The following WWC1 variants were observed in gnomAD, a reference collection of about 807,000 sequenced individuals.
WWC1 encodes WW and C2 domain containing 1.
Under a neutral mutation model 138.4 loss-of-function variants are expected in WWC1, and 55 were observed. The observed-to-expected ratio is 0.40, with a 90% CI of 0.32 to 0.50. WWC1 has a LOEUF of 0.50. WWC1 is among the 20% of genes least tolerant of loss of function. The probability of loss-of-function intolerance (pLI) is 0.72; values close to 1 mark genes in which losing one functional copy is unlikely to be tolerated. For missense variants in WWC1, 1,226 were observed against 1,420.4 expected (o/e 0.86, Z 2.20); for synonymous variants, 524 against 564.9 (o/e 0.93, Z 1.03).
chr5:168,339,800 T>G (rs995235713), intron 1 of WWC1, among the ~76,000 whole-genome samples: 2 of 131,912 alleles, frequency 1.5e-5, no homozygotes, highest in African/African-American at 3.1e-5. Context: ...GTACCATTCT[T>G]TTTGTTTTTC....
At chr5:168,413,018 T>C (rs1000173240) in intron 8 of WWC1, among the ~76,000 whole-genome samples, 4 of 152,200 alleles carry the variant, frequency 2.6e-5, no homozygotes, top group African/African-American at 9.6e-5. Flanking sequence ...GGTATGTTTT[T>C]CTACATGGAA....
At chr5:168,468,087 A>C in intron 22 of WWC1, 123 bp downstream of exon 22, 1 of 1,480,394 alleles carries the variant, frequency 6.8e-7, no homozygotes, top group Non-Finnish European at 9.1e-7. Context: ...CCTGTAACAG[A>C]TGTTCATCCT....
intron 1 of WWC1, among the ~76,000 whole-genome samples, chr5:168,345,016 G>GGAAA (rs1774353532): frequency 1.3e-5 from 2 of 152,152 alleles, no homozygotes; most frequent in Admixed American, 6.5e-5. Context: ...TTCCCACCAG[G>GGAAA]CTCATAAGGA....
chr5:168,308,628 T>C (rs1242228961), intron 1 of WWC1, among the ~76,000 whole-genome samples: 1 of 152,130 alleles, frequency 6.6e-6, no homozygotes, highest in African/African-American at 2.4e-5. Flanking sequence ...AAATGCAGGT[T>C]CCAAGGCCCT....
At chr5:168,297,827 A>T (rs535726997) in intron 1 of WWC1, among the ~76,000 whole-genome samples, 2 of 152,186 alleles carry the variant, frequency 1.3e-5, no homozygotes, top group South Asian at 4.2e-4. Context: ...GCATGGCTGC[A>T]TTATTCTCCA....
At chr5:168,379,468 T>G (rs1417939914) in intron 2 of WWC1, among the ~76,000 whole-genome samples, 1 of 152,092 alleles carries the variant, frequency 6.6e-6, no homozygotes, top group East Asian at 1.9e-4. Flanking sequence ...GGCGCGATCT[T>G]GGCTCACTGC....
At chr5:168,463,563 T>G (rs551692458) in intron 20 of WWC1, among the ~76,000 whole-genome samples, 2 of 152,326 alleles carry the variant, frequency 1.3e-5, no homozygotes, top group South Asian at 4.1e-4. Flanking sequence ...GCAATGGGAT[T>G]TGAGAAACCA....
intron 15 of WWC1, among the ~76,000 whole-genome samples, chr5:168,440,093 A>G (rs1754613489): frequency 6.6e-6 from 1 of 152,228 alleles, no homozygotes; most frequent in Admixed American, 6.5e-5. Context: ...TAAGTAACAC[A>G]GAATGGGTAT....
chr5:168,335,536 C>T (rs1773383992), intron 1 of WWC1, among the ~76,000 whole-genome samples: 2 of 152,214 alleles, frequency 1.3e-5, no homozygotes, highest in African/African-American at 4.8e-5. Flanking sequence ...CTGGACCTCC[C>T]AGTACACCTG....
intron 9 of WWC1, among the ~76,000 whole-genome samples, chr5:168,420,719 G>A (rs1291055121): frequency 6.6e-6 from 1 of 152,160 alleles, no homozygotes; most frequent in Non-Finnish European, 1.5e-5. Context: ...GCCCGTAGCA[G>A]TAACCGCACA....
intron 1 of WWC1, among the ~76,000 whole-genome samples, chr5:168,295,866 A>G (rs1409672659): frequency 2.0e-5 from 3 of 152,034 alleles, no homozygotes; most frequent in Non-Finnish European, 4.4e-5. Flanking sequence ...ATTCCTGAGG[A>G]TGGTTGTCCC....
intron 1 of WWC1, among the ~76,000 whole-genome samples, chr5:168,293,386 TG>T (rs1389401406): frequency 6.6e-6 from 1 of 151,866 alleles, no homozygotes; most frequent in Non-Finnish European, 1.5e-5. Context: ...TCTTGTGTGG[TG>T]GGGGTGGAGG....
chr5:168,422,695 C>T (rs1488453465), intron 10 of WWC1, among the ~76,000 whole-genome samples: 1 of 152,130 alleles, frequency 6.6e-6, no homozygotes, highest in African/African-American at 2.4e-5. Context: ...AGACCTGGGC[C>T]TCCATGAACA....
At chr5:168,380,982 G>A (rs867354664) in intron 2 of WWC1, among the ~76,000 whole-genome samples, 9 of 152,156 alleles carry the variant, frequency 5.9e-5, no homozygotes, top group Non-Finnish European at 1.2e-4. Context: ...GCCTGGGAGC[G>A]TCCAGGGGAT....
At chr5:168,403,083 CTTTCT>C (rs1317608180) in intron 5 of WWC1, among the ~76,000 whole-genome samples, 2,302 of 100,290 alleles carry the variant, frequency 0.023, 117 homozygotes, top group African/African-American at 0.084. Flanking sequence ...TCTTTCTTTT[CTTTCT>C]TTTCTTTCTT....
intron 1 of WWC1, among the ~76,000 whole-genome samples, chr5:168,310,952 A>G (rs1395297172): frequency 6.6e-6 from 1 of 152,164 alleles, no homozygotes. Context: ...TGCAGTTTTT[A>G]TGAGGATTAA....
chr5:168,456,856 A>G (rs561157989), intron 19 of WWC1, among the ~76,000 whole-genome samples: 4 of 152,320 alleles, frequency 2.6e-5, no homozygotes, highest in East Asian at 1.9e-4. Flanking sequence ...ATTTTGTTAA[A>G]TGGGAGATAT....
intron 5 of WWC1, 127 bp downstream of exon 5, chr5:168,399,694 A>T: frequency 2.1e-6 from 2 of 944,760 alleles, no homozygotes; most frequent in Non-Finnish European, 3.2e-6. Flanking sequence ...TCATCATTCA[A>T]TTCAAGTTCT....
chr5:168,441,931 AGAGGAGAACAATGGGGTG>A lies in WWC1; in HGVS notation c.2433+103_2433+120del, dbSNP rs1235471651. 101 of 1,476,414 alleles carry A rather than the reference AGAGGAGAACAATGGGGTG, an allele frequency of 6.8e-5. No individual in the cohort carries two copies. The African/African-American group carries it at 1.3e-3, about 19-fold the overall frequency. 91.5% of individuals were successfully genotyped at this position (1,476,414 alleles called of 1,614,324 possible). On this transcript the variant is annotated intron_variant, in intron 16 of 22. Coordinates refer to ENST00000265293, the MANE Select transcript of WWC1 (RefSeq NM_015238.3). ...GAACTGGAGGTGATCAGGCGTCATG[AGAGGAGAACAATGGGGTG>A]GAGGAAGTAGGAGAAGAAGACAGGG... is the stretch of plus-strand genomic sequence containing the variant.
Sources: allele counts gnomAD v4.1 joint callset (sites outside exome capture counted in the v4.1 genomes callset), GRCh38; gene constraint gnomAD v4.1.1; transcripts MANE v1.5; gene names NCBI Gene and HGNC (gene_info 2026-07-23, HGNC 2026-07-21).